DYSF: variants seen among roughly 807,000 people sequenced by gnomAD.
DYSF encodes the protein dysferlin.
Under a neutral mutation model 274.9 loss-of-function variants are expected in DYSF, and 212 were observed. The ratio of observed to expected loss-of-function variants is 0.77; its 90% CI spans 0.69 to 0.86. The LOEUF is 0.86. DYSF is among the 40% of genes least tolerant of loss of function. The pLI, the probability that DYSF is intolerant of heterozygous loss-of-function variation, is 0.00. For synonymous variants in DYSF, 1,091 were observed against 1,078.7 expected (o/e 1.01, Z -0.22); for missense variants, 2,666 against 2,783.2 (o/e 0.96, Z 0.95).
At chr2:71,654,367 G>T (rs1468385768) in intron 42 of DYSF, among the ~76,000 whole-genome samples, 1 of 152,146 alleles carries the variant, frequency 6.6e-6, no homozygotes, top group Non-Finnish European at 1.5e-5. Context: ...CTTAAAATGT[G>T]CATACTCCTT....
At chr2:71,566,249 A>C (rs2152808855) in intron 24 of DYSF, among the ~76,000 whole-genome samples, 1 of 138,970 alleles carries the variant, frequency 7.2e-6, no homozygotes, top group East Asian at 2.3e-4. Flanking sequence ...GTGCTGCTGA[A>C]TTGTGCCTGG....
At chr2:71,554,415 T>C (rs1291930247) in intron 21 of DYSF, among the ~76,000 whole-genome samples, 1 of 151,962 alleles carries the variant, frequency 6.6e-6, no homozygotes, top group Admixed American at 6.5e-5. Flanking sequence ...TTTCCAAACT[T>C]AGGTACAGGT....
chr2:71,560,643 C>G (rs1423768555), intron 22 of DYSF, among the ~76,000 whole-genome samples: 1 of 152,206 alleles, frequency 6.6e-6, no homozygotes, highest in African/African-American at 2.4e-5. Context: ...ATGTAGTGCG[C>G]CGAGGGCCTG....
intron 17 of DYSF, among the ~76,000 whole-genome samples, chr2:71,542,649 G>T (rs1485905632): frequency 6.6e-6 from 1 of 152,104 alleles, no homozygotes; most frequent in Non-Finnish European, 1.5e-5. Flanking sequence ...ATTTAACCCT[G>T]AGTGGACACA....
chr2:71,605,619 C>T (rs971783187), intron 36 of DYSF, among the ~76,000 whole-genome samples: 1 of 151,938 alleles, frequency 6.6e-6, no homozygotes, highest in Non-Finnish European at 1.5e-5. Flanking sequence ...TGGGAGGGAT[C>T]GTATGCTTTG....
intron 14 of DYSF, among the ~76,000 whole-genome samples, chr2:71,530,715 C>T (rs1029320721): frequency 2.0e-5 from 3 of 152,148 alleles, no homozygotes; most frequent in African/African-American, 2.4e-5. Context: ...CAGGCCTTTG[C>T]GTCCTCTCTG....
intron 3 of DYSF, 80 bp from the exon 4 acceptor site, chr2:71,503,134 G>T: frequency 7.9e-7 from 1 of 1,260,920 alleles, no homozygotes; most frequent in Non-Finnish European, 1.2e-6. Context: ...CCTCATCTGA[G>T]TGGTGGCAGT....
At chr2:71,516,963 T>C (rs1343312359) in intron 9 of DYSF, 26 bp from the exon 10 acceptor site, 2 of 1,610,258 alleles carry the variant, frequency 1.2e-6, no homozygotes, top group African/African-American at 1.3e-5. Context: ...CCTGTGAATG[T>C]GAGTTTCCAT....
At chr2:71,648,331 A>G (rs1028789629) in intron 42 of DYSF, among the ~76,000 whole-genome samples, 1 of 152,170 alleles carries the variant, frequency 6.6e-6, no homozygotes, top group African/African-American at 2.4e-5. Context: ...AGAGATGAAA[A>G]CGTGAAGTTG....
Position 71,665,295 on chromosome 2 carries a change from G to T in DYSF, c.5308G>T (p.Glu1770Ter), listed in dbSNP as rs2094976185. 1 of 1,614,138 alleles carries T rather than the reference G, an allele frequency of 6.2e-7. No homozygotes were observed. The highest frequency in any genetic ancestry group is 1.1e-5 in the South Asian group (1 of 91,084). ...VMFQDKEYSIEEIEAGRIPNP... is the reference protein window; with the variant it reads ...VMFQDKEYSI ...GTTTCAGGATAAAGAATATTCCATT[G>T]AAGAGATAGGTGAGCTGCCACATGA... The change falls in exon 47 of 56, where the codon GAA (glutamate) becomes TAA (stop). Residue 1770 changes from glutamate to a stop codon, truncating the protein, a stop_gained. Transcript: ENST00000410020. LOFTEE classifies it high-confidence loss of function.
At chr2:71,674,964 A>T (rs900518753) in intron 52 of DYSF, among the ~76,000 whole-genome samples, 2 of 152,212 alleles carry the variant, frequency 1.3e-5, no homozygotes, top group African/African-American at 4.8e-5. Context: ...ACAATGGGAG[A>T]GTATTCAGCC....
At chr2:71,600,271 C>T (rs2093516999) in intron 33 of DYSF, among the ~76,000 whole-genome samples, 1 of 152,192 alleles carries the variant, frequency 6.6e-6, no homozygotes, top group East Asian at 1.9e-4. Context: ...CACAGTTTCC[C>T]CATTTGCAAA....
At chr2:71,656,772 T>G (rs1404666286) in intron 43 of DYSF, among the ~76,000 whole-genome samples, 1 of 152,118 alleles carries the variant, frequency 6.6e-6, no homozygotes, top group Non-Finnish European at 1.5e-5. Flanking sequence ...GTGAGACTTA[T>G]TCACCACCAC....
intron 1 of DYSF, among the ~76,000 whole-genome samples, chr2:71,471,641 T>A (rs1368301268): frequency 6.6e-6 from 1 of 151,806 alleles, no homozygotes; most frequent in African/African-American, 2.4e-5. Context: ...CATCATAGAT[T>A]TTTTTTTTCC....
At chr2:71,500,984 G>C (rs1386489321) in intron 3 of DYSF, among the ~76,000 whole-genome samples, 1 of 152,090 alleles carries the variant, frequency 6.6e-6, no homozygotes, top group Non-Finnish European at 1.5e-5. Context: ...TATACCTACT[G>C]TCTGGTCTTT....
Position 71,614,074 on chromosome 2 carries a change from G to C in DYSF, c.4464+664G>C, listed in dbSNP as rs80280796. 5.0e-3 allele frequency among the ~76,000 whole-genome samples: 754 copies of C among 152,300 alleles called. 22 individuals are homozygous for C. Among genetic ancestry groups the C allele is most frequent in the East Asian group, 0.032 (167 of 5,170 alleles). On this transcript the variant is annotated intron_variant, in intron 40 of 55. Transcript: ENST00000410020. ...TGCCACAGAGCATGGCAGGAGGTCT[G>C]TGGCACCTTGTGCTGAGGGGCAGCG... is the stretch of plus-strand genomic sequence containing the variant.
In DYSF at chr2:71,535,009, T is replaced by G; in HGVS notation, c.1381-12T>G. On this transcript the variant is annotated splice_polypyrimidine_tract_variant and intron_variant, in intron 14 of 55. Coordinates refer to ENST00000410020, the MANE Select transcript of DYSF (RefSeq NM_001130987.2). Reference sequence around the variant, plus strand: ...GAGCTTGATCAACTTGTCCCCTCCCTGTGTCTTCTAGCTGTGCAGCAAGAT... The same window carrying G: ...GAGCTTGATCAACTTGTCCCCTCCCGGTGTCTTCTAGCTGTGCAGCAAGAT... 1 of 1,614,088 alleles carries G rather than the reference T, an allele frequency of 6.2e-7. No individual in the cohort carries two copies. Among genetic ancestry groups the G allele is most frequent in the Non-Finnish European group, 8.5e-7 (1 of 1,179,940 alleles).
At chr2:71,458,342 A>G (rs552929991) in intron 1 of DYSF, among the ~76,000 whole-genome samples, 56 of 152,360 alleles carry the variant, frequency 3.7e-4, no homozygotes, top group Non-Finnish European at 6.8e-4. Context: ...ACATCCACAA[A>G]GGCTTTCAAT....
intron 23 of DYSF, among the ~76,000 whole-genome samples, chr2:71,562,623 G>T (rs2091848881): frequency 6.6e-6 from 1 of 152,206 alleles, no homozygotes; most frequent in Non-Finnish European, 1.5e-5. Context: ...GCTGCTGCCT[G>T]CTCTGACCAG....
Sources: gnomAD v4.1 joint callset for allele counts (sites outside exome capture counted in the v4.1 genomes callset) on GRCh38, gnomAD v4.1.1 for gene constraint, MANE v1.5 for transcripts, NCBI Gene and HGNC (gene_info 2026-07-23, HGNC 2026-07-21) for gene names.